Variants in GABRG3 observed in about 807,000 individuals in gnomAD.
The protein encoded by GABRG3 is gamma-aminobutyric acid receptor subunit gamma-3.
A neutral mutation model predicts 48.8 loss-of-function variants in GABRG3; 25 were observed. The ratio of observed to expected loss-of-function variants is 0.51; its 90% CI spans 0.37 to 0.72. GABRG3 has a LOEUF of 0.72. GABRG3 is among the 30% of genes least tolerant of loss of function. The probability of loss-of-function intolerance (pLI) is 0.00; values close to 1 mark genes in which losing one functional copy is unlikely to be tolerated. For missense variants in GABRG3, 394 were observed against 577.9 expected, an observed-to-expected ratio of 0.68 and a Z score of 3.26; for synonymous variants, 227 against 217.6, an observed-to-expected ratio of 1.04 and a Z score of -0.38.
intron 3 of GABRG3, among the ~76,000 whole-genome samples, chr15:27,177,715 A>G (rs1011966788): frequency 1.3e-5 from 2 of 152,218 alleles, no homozygotes; most frequent in African/African-American, 4.8e-5. Context: ...TTGATTTTAA[A>G]TAAGGTAGCA....
chr15:27,103,686 C>A (rs1396862602), intron 3 of GABRG3, among the ~76,000 whole-genome samples: 4 of 152,118 alleles, frequency 2.6e-5, no homozygotes, highest in Non-Finnish European at 5.9e-5. Flanking sequence ...CTATTAAAGA[C>A]AATGAATTTG....
intron 3 of GABRG3, among the ~76,000 whole-genome samples, chr15:27,029,656 G>C (rs574109782): frequency 6.6e-6 from 1 of 152,290 alleles, no homozygotes; most frequent in East Asian, 1.9e-4. Flanking sequence ...ACTAGTGTGA[G>C]GCATTGTCCT....
At chr15:27,271,705 C>T (rs370741476) in intron 3 of GABRG3, 17 of 443,994 alleles carry the variant, frequency 3.8e-5, no homozygotes, top group African/African-American at 8.0e-5. Flanking sequence ...GCTGGCACAG[C>T]GCCAGAGGGA....
intron 6 of GABRG3, among the ~76,000 whole-genome samples, chr15:27,484,423 G>A (rs1219901323): frequency 6.6e-6 from 1 of 152,152 alleles, no homozygotes; most frequent in Non-Finnish European, 1.5e-5. Context: ...ATGGCAAGAT[G>A]TTCAGCTTTG....
At chr15:27,511,616 A>C (rs1014025530) in intron 6 of GABRG3, among the ~76,000 whole-genome samples, 10 of 152,266 alleles carry the variant, frequency 6.6e-5, no homozygotes, top group Non-Finnish European at 1.0e-4. Flanking sequence ...AAACATTCAC[A>C]GAAGGCCTAC....
chr15:27,412,687 T>C (rs1223889962), intron 5 of GABRG3, among the ~76,000 whole-genome samples: 1 of 152,236 alleles, frequency 6.6e-6, no homozygotes, highest in Non-Finnish European at 1.5e-5. Context: ...ACCTTTGTGC[T>C]GAGCATTCTA....
rs192581149 is a variant in GABRG3 at position 27,207,715 on chromosome 15, A to C, written c.271-119094A>C. On this transcript the variant is annotated intron_variant, in intron 3 of 9. Coordinates refer to ENST00000615808, the MANE Select transcript of GABRG3 (RefSeq NM_033223.5). ...TTGCACAGCTCCTTTGCTAGCGCTC[A>C]AGGTGCTGAGGTATTCACTCAGGAA... Among the ~76,000 whole-genome samples, 691 of 152,286 alleles carry C rather than the reference A, an allele frequency of 4.5e-3. 6 individuals are homozygous for C. The highest frequency in any genetic ancestry group is 0.022 in the Admixed American group (330 of 15,302).
intron 3 of GABRG3, among the ~76,000 whole-genome samples, chr15:27,159,022 C>T (rs531575192): frequency 1.1e-4 from 16 of 152,282 alleles, no homozygotes; most frequent in Admixed American, 9.8e-4. Flanking sequence ...GTGTTCTCTC[C>T]AAACCGCTCA....
intron 3 of GABRG3, among the ~76,000 whole-genome samples, chr15:27,216,100 T>C (rs1048097058): frequency 3.3e-5 from 5 of 152,132 alleles, no homozygotes; most frequent in Non-Finnish European, 7.4e-5. Flanking sequence ...GAGCATTTGC[T>C]CAGTTGCAGC....
At chr15:27,152,861 AT>A (rs1187163963) in intron 3 of GABRG3, among the ~76,000 whole-genome samples, 4,054 of 138,886 alleles carry the variant, frequency 0.029, 133 homozygotes, top group African/African-American at 0.095. Flanking sequence ...TTTCGAGTTA[AT>A]TTTTTTTTTT....
intron 6 of GABRG3, among the ~76,000 whole-genome samples, chr15:27,506,166 G>T (rs891881888): frequency 6.6e-6 from 1 of 152,124 alleles, no homozygotes; most frequent in African/African-American, 2.4e-5. Flanking sequence ...CAGTTGCAAT[G>T]GGGAGAATTC....
At chr15:27,490,796 A>G (rs922017959) in intron 6 of GABRG3, among the ~76,000 whole-genome samples, 2 of 152,200 alleles carry the variant, frequency 1.3e-5, no homozygotes, top group Admixed American at 6.5e-5. Flanking sequence ...AAATAAAGAT[A>G]TATTTATCTT....
intron 3 of GABRG3, among the ~76,000 whole-genome samples, chr15:27,269,281 T>A (rs1259328572): frequency 6.6e-6 from 1 of 152,210 alleles, no homozygotes; most frequent in African/African-American, 2.4e-5. Flanking sequence ...AATACTTTTT[T>A]AAAAGTTTCT....
chr15:27,490,806 T>C (rs1890331394), intron 6 of GABRG3, among the ~76,000 whole-genome samples: 1 of 152,216 alleles, frequency 6.6e-6, no homozygotes, highest in Admixed American at 6.5e-5. Flanking sequence ...ATATTTATCT[T>C]TTAGACTCAT....
chr15:27,074,158 C>T (rs959975130), intron 3 of GABRG3, among the ~76,000 whole-genome samples: 5 of 152,068 alleles, frequency 3.3e-5, no homozygotes, highest in East Asian at 1.9e-4. Context: ...TTGAGGAAAC[C>T]GCCCCCATGG....
intron 3 of GABRG3, among the ~76,000 whole-genome samples, chr15:27,143,260 G>A (rs1659692139): frequency 6.6e-6 from 1 of 152,078 alleles, no homozygotes; most frequent in African/African-American, 2.4e-5. Flanking sequence ...TAAATTTTTT[G>A]TAGGGATGGG....
At chr15:27,271,595 GTC>G (rs1338026165) in intron 3 of GABRG3, 1 of 77,812 alleles carries the variant, frequency 1.3e-5, no homozygotes, top group African/African-American at 3.7e-4. Context: ...GCAACCTAGA[GTC>G]AGTCAGTCAG....
At chr15:27,505,713 T>C (rs1353983268) in intron 6 of GABRG3, among the ~76,000 whole-genome samples, 3 of 152,220 alleles carry the variant, frequency 2.0e-5, no homozygotes, top group African/African-American at 7.2e-5. Flanking sequence ...ATTAATTAAG[T>C]ATATTAGCCT....
At chr15:27,333,007 A>G (rs918489454) in intron 5 of GABRG3, among the ~76,000 whole-genome samples, 2 of 152,230 alleles carry the variant, frequency 1.3e-5, no homozygotes, top group Non-Finnish European at 2.9e-5. Context: ...AGGTAATGTT[A>G]TTAGTTTATT....
Sources: gnomAD v4.1 joint callset for allele counts (sites outside exome capture counted in the v4.1 genomes callset) on GRCh38, gnomAD v4.1.1 for gene constraint, MANE v1.5 for transcripts, NCBI Gene and HGNC (gene_info 2026-07-23, HGNC 2026-07-21) for gene names.